SIK3: variants seen among roughly 807,000 people sequenced by gnomAD.
The protein encoded by SIK3 is serine/threonine-protein kinase SIK3.
SIK3 carries 28 observed loss-of-function variants against 144.2 expected under a neutral mutation model. The ratio of observed to expected loss-of-function variants is 0.19; its 90% CI spans 0.14 to 0.27. The LOEUF is 0.27. SIK3 is among the 10% of genes least tolerant of loss of function. The pLI is 1.00. For synonymous variants in SIK3, 686 were observed against 676.3 expected (o/e 1.01, Z -0.22); for missense variants, 1,319 against 1,776.0 (o/e 0.74, Z 4.62).
At chr11:116,888,639 T>C (rs1944948606) in intron 6 of SIK3, among the ~76,000 whole-genome samples, 2 of 152,230 alleles carry the variant, frequency 1.3e-5, no homozygotes, top group Non-Finnish European at 2.9e-5. Flanking sequence ...GCCAGAGAGA[T>C]CATATTGGTA....
chr11:117,050,184 G>A (rs1203397139), intron 1 of SIK3, among the ~76,000 whole-genome samples: 4 of 151,854 alleles, frequency 2.6e-5, no homozygotes, highest in African/African-American at 9.7e-5. Context: ...AGCTACTTAA[G>A]AGGCTGAGGC....
At chr11:116,944,967 T>C (rs938118128) in intron 3 of SIK3, among the ~76,000 whole-genome samples, 2 of 149,622 alleles carry the variant, frequency 1.3e-5, no homozygotes, top group Non-Finnish European at 3.0e-5. Context: ...TCTTTTTTCT[T>C]TTTTTTTTTT....
At position 117,013,972 on chromosome 11, in the gene SIK3, C is replaced by CTTTTTTTTT. The variant is rs71037442; in HGVS notation, c.274-56917_274-56909dup. Among the ~76,000 whole-genome samples, 106 of 27,050 alleles carry CTTTTTTTTT rather than the reference C, an allele frequency of 3.9e-3. 26 individuals are homozygous for CTTTTTTTTT. Among genetic ancestry groups the CTTTTTTTTT allele is most frequent in the African/African-American group, 9.7e-3 (88 of 9,096 alleles). 17.7% of individuals were successfully genotyped at this position (27,050 alleles called of 152,430 possible). A position where few individuals can be genotyped will look rare whatever the true frequency, so the allele number is the denominator to read the frequency against. Reference sequence around the variant, plus strand: ...TGTGTTTTATTTCTTTTTTTCTTTTCTTTTTTTTTTTTTTTTTTTTTTGAG... The same window carrying CTTTTTTTTT: ...TGTGTTTTATTTCTTTTTTTCTTTTCTTTTTTTTTTTTTTTTTTTTTTTTTTTTTTTGAG... On this transcript the variant is annotated intron_variant, in intron 1 of 24. Transcript: ENST00000445177.
chr11:116,897,733 A>C (rs1945489419), intron 4 of SIK3, among the ~76,000 whole-genome samples: 2 of 152,180 alleles, frequency 1.3e-5, no homozygotes, highest in Admixed American at 1.3e-4. Context: ...CATACAAAAA[A>C]TTAGCCGGGC....
At chr11:117,049,989 G>A (rs1310418154) in intron 1 of SIK3, among the ~76,000 whole-genome samples, 2 of 151,154 alleles carry the variant, frequency 1.3e-5, no homozygotes, top group East Asian at 3.9e-4. Context: ...TTATATTATA[G>A]TATAATTATA....
At chr11:117,002,809 G>A (rs1034792061) in intron 1 of SIK3, among the ~76,000 whole-genome samples, 4 of 152,212 alleles carry the variant, frequency 2.6e-5, no homozygotes, top group African/African-American at 9.7e-5. Flanking sequence ...TTAGCATTAT[G>A]CAAGTATCTG....
At position 116,927,202 on chromosome 11, in the gene SIK3, C is replaced by G; in HGVS notation, c.616+17G>C. On this transcript the variant is annotated intron_variant, in intron 4 of 24. Coordinates refer to ENST00000445177, the MANE Select transcript of SIK3 (RefSeq NM_001366686.3). ...AGCTCCTTTGTCCCTATCTGACATC[C>G]TCAGTACAGTTCTCACCTGCTATTT... 6.2e-7 allele frequency: 1 copy of G among 1,608,084 alleles called. No homozygotes were observed. The highest frequency in any genetic ancestry group is 8.5e-7 in the Non-Finnish European group (1 of 1,175,778).
chr11:116,854,134 AG>A (rs977546155), intron 21 of SIK3, among the ~76,000 whole-genome samples: 7 of 151,998 alleles, frequency 4.6e-5, no homozygotes, highest in Non-Finnish European at 8.8e-5. Context: ...CCAAGAAGGG[AG>A]GATTGTTTGA....
At chr11:116,918,689 T>C (rs1946799995) in intron 4 of SIK3, among the ~76,000 whole-genome samples, 2 of 152,194 alleles carry the variant, frequency 1.3e-5, no homozygotes, top group South Asian at 2.1e-4. Flanking sequence ...TACACTTCAG[T>C]GTTCCAAGAT....
intron 4 of SIK3, among the ~76,000 whole-genome samples, chr11:116,900,861 A>AT (rs1244872831): frequency 6.8e-5 from 10 of 146,684 alleles, no homozygotes; most frequent in African/African-American, 2.6e-4. Flanking sequence ...CATATATATT[A>AT]TTTATTTTTT....
intron 13 of SIK3, among the ~76,000 whole-genome samples, 161 bp downstream of exon 13, chr11:116,873,320 G>T (rs1214979872): frequency 6.6e-6 from 1 of 152,200 alleles, no homozygotes; most frequent in African/African-American, 2.4e-5. Flanking sequence ...ATAAAGTGTG[G>T]AAAACTCTAC....
At chr11:116,975,228 A>G (rs1949905152) in intron 1 of SIK3, among the ~76,000 whole-genome samples, 1 of 138,372 alleles carries the variant, frequency 7.2e-6, no homozygotes, top group Non-Finnish European at 1.5e-5. Context: ...ATACCATGCA[A>G]TTCACCAATT....
chr11:117,076,542 T>C (rs1954546419), intron 1 of SIK3, among the ~76,000 whole-genome samples: 1 of 152,088 alleles, frequency 6.6e-6, no homozygotes, highest in Non-Finnish European at 1.5e-5. Context: ...TTTTTTTTTT[T>C]TCGAGATGGA....
At chr11:117,042,008 T>C (rs1565586812) in intron 1 of SIK3, among the ~76,000 whole-genome samples, 1 of 152,294 alleles carries the variant, frequency 6.6e-6, no homozygotes, top group Admixed American at 6.5e-5. Context: ...TGGCCCACTT[T>C]TGTCCCATGT....
At chr11:117,071,926 GT>G (rs1457555486) in intron 1 of SIK3, among the ~76,000 whole-genome samples, 4 of 150,550 alleles carry the variant, frequency 2.7e-5, no homozygotes, top group African/African-American at 9.8e-5. Context: ...GCCAAGAGTT[GT>G]GTTTGTTTGT....
chr11:116,912,106 T>C (rs1946380596), intron 4 of SIK3, among the ~76,000 whole-genome samples: 1 of 152,224 alleles, frequency 6.6e-6, no homozygotes, highest in Admixed American at 6.5e-5. Context: ...AACACCCTAG[T>C]TGGTTAGCAT....
intron 6 of SIK3, among the ~76,000 whole-genome samples, chr11:116,882,256 T>C (rs1944588570): frequency 6.6e-6 from 1 of 152,204 alleles, no homozygotes; most frequent in African/African-American, 2.4e-5. Flanking sequence ...GGGAGCGTTG[T>C]CTTATTCATA....
chr11:116,999,572 G>C (rs1044618584), intron 1 of SIK3, among the ~76,000 whole-genome samples: 3 of 148,682 alleles, frequency 2.0e-5, no homozygotes, highest in Non-Finnish European at 4.5e-5. Context: ...GTTTTTTGTG[G>C]CATTTTGTTT....
intron 6 of SIK3, among the ~76,000 whole-genome samples, chr11:116,893,369 G>A (rs1945231330): frequency 6.6e-6 from 1 of 152,092 alleles, no homozygotes; most frequent in Non-Finnish European, 1.5e-5. Flanking sequence ...TGAATCTAAA[G>A]CTGCTCTAAC....
Sources: allele counts gnomAD v4.1 joint callset (sites outside exome capture counted in the v4.1 genomes callset), GRCh38; gene constraint gnomAD v4.1.1; transcripts MANE v1.5; gene names NCBI Gene and HGNC (gene_info 2026-07-23, HGNC 2026-07-21).